COPB2: variants seen among roughly 807,000 people sequenced by gnomAD.
COPB2 encodes coat protein complex I subunit beta 2.
A neutral mutation model predicts 120.8 loss-of-function variants in COPB2; 16 were observed. The ratio of observed to expected loss-of-function variants is 0.13; its 90% CI spans 0.09 to 0.20. The LOEUF is 0.20. COPB2 is among the 10% of genes least tolerant of loss of function. The pLI is 1.00. For missense variants in COPB2, 794 were observed against 1,076.5 expected (o/e 0.74, Z 3.67); for synonymous variants, 332 against 366.3 (o/e 0.91, Z 1.07).
Position 139,369,118 on chromosome 3 carries a change from T to C in COPB2, c.1401+143A>G, listed in dbSNP as rs367923314. On this transcript the variant is annotated intron_variant, in intron 12 of 21. Transcript: ENST00000333188. ...TCAAAAGTATAAGAAGTTATTTAAA[T>C]TCTAAGTGCTGTTTTATATTTTAAA... 7.6e-5 allele frequency: 42 copies of C among 551,674 alleles called. No homozygotes were observed. In the South Asian group the frequency reaches 1.5e-3, roughly 19 times the overall value. 34.2% of individuals were successfully genotyped at this position (551,674 alleles called of 1,614,324 possible).
intron 6 of COPB2, 133 bp from the exon 7 acceptor site, chr3:139,374,721 A>G (rs997100916): frequency 1.9e-6 from 1 of 530,458 alleles, no homozygotes; most frequent in Non-Finnish European, 3.1e-6. Flanking sequence ...CAATATAGAA[A>G]TTTTTGAAAT....
chr3:139,371,915 T>C lies in COPB2; in HGVS notation c.1095-82A>G, dbSNP rs969188954. 1.9e-5 allele frequency: 18 copies of C among 953,486 alleles called. No individual in the cohort carries two copies. In the Admixed American group the frequency reaches 3.6e-4, roughly 19 times the overall value. The allele number at this position is 953,486 out of a possible 1,614,324, so 59.1% of individuals were successfully genotyped here. ...TAAGGAACAATAATTCATGTTATGG[T>C]AAAAGAATTCTAATAACAAATGTTA... On this transcript the variant is annotated intron_variant, in intron 9 of 21. Transcript: ENST00000333188.
chr3:139,378,507 A>T (rs1323568211), intron 4 of COPB2, among the ~76,000 whole-genome samples: 1 of 152,242 alleles, frequency 6.6e-6, no homozygotes, highest in Non-Finnish European at 1.5e-5. Context: ...TCTAAGCATG[A>T]CTGAATAGTG....
intron 12 of COPB2, among the ~76,000 whole-genome samples, chr3:139,368,834 A>G (rs898088346): frequency 1.3e-5 from 2 of 152,206 alleles, no homozygotes; most frequent in African/African-American, 4.8e-5. Flanking sequence ...GACAGTGAAA[A>G]CTGTCAAAGC....
intron 1 of COPB2, among the ~76,000 whole-genome samples, chr3:139,389,232 G>C (rs1219186091): frequency 1.3e-5 from 2 of 152,254 alleles, no homozygotes; most frequent in Non-Finnish European, 2.9e-5. Flanking sequence ...CTCCTACGGA[G>C]TTCAACACAT....
At chr3:139,367,557 G>C (rs1354237913) in intron 13 of COPB2, among the ~76,000 whole-genome samples, 1 of 151,844 alleles carries the variant, frequency 6.6e-6, no homozygotes, top group East Asian at 1.9e-4. Context: ...CAAAGTGCTG[G>C]GATTATAGGT....
chr3:139,373,766 C>A lies in COPB2; in HGVS notation c.794G>T (p.Ser265Ile), dbSNP rs1350975191. 6.2e-7 allele frequency: 1 copy of A among 1,614,112 alleles called. No individual in the cohort carries two copies. The highest frequency in any genetic ancestry group is 1.3e-5 in the African/African-American group (1 of 75,032). The change falls in exon 8 of 22, where the codon AGC (serine) becomes ATC (isoleucine). Residue 265 changes from serine to isoleucine, a missense_variant. Physicochemically the swap from Ser to Ile is moderately radical, Grantham distance 142. Coordinates refer to ENST00000333188, the MANE Select transcript of COPB2 (RefSeq NM_004766.3). ...CCTCTCCATTCCATAATTCAGTGTGCTCTCAAGCCGGTAGGTGCTTGAATG... is the reference window on the plus strand; with the variant it reads ...CCTCTCCATTCCATAATTCAGTGTGATCTCAAGCCGGTAGGTGCTTGAATG... ...IWHSSTYRLE[S>I]TLNYGMERVW...
intron 1 of COPB2, chr3:139,385,458 T>C (rs983675764): frequency 6.6e-6 from 1 of 152,218 alleles, no homozygotes; most frequent in Non-Finnish European, 1.5e-5. Context: ...AATATTGAGT[T>C]CTTTGGAGAA....
chr3:139,359,290 G>A lies in COPB2; in HGVS notation c.2283C>T (p.Tyr761=), dbSNP rs749927699. ...TGTACCTTGAAACCTGACTGGGTAA[G>A]TAAGTTCGGGCCAAGAAGGCAGCTT... ...LPEAAFLART[Y]LPSQVSRVVK... is the part of the protein sequence containing the mutation. The change falls in exon 18 of 22, where the codon TAC becomes TAT. Residue 761 remains tyrosine, a synonymous_variant. Coordinates refer to ENST00000333188, the MANE Select transcript of COPB2 (RefSeq NM_004766.3). 2 of 1,614,192 alleles carry A rather than the reference G, an allele frequency of 1.2e-6. No homozygotes were observed. Among genetic ancestry groups the A allele is most frequent in the Non-Finnish European group, 1.7e-6 (2 of 1,180,024 alleles).
chr3:139,378,244 C>A, intron 4 of COPB2, 55 bp from the exon 5 acceptor site: 1 of 1,467,790 alleles, frequency 6.8e-7, no homozygotes, highest in Non-Finnish European at 9.2e-7. Flanking sequence ...CACTTCATAA[C>A]TAAGACACAG....
chr3:139,372,509 T>C (rs1941639181), intron 9 of COPB2, among the ~76,000 whole-genome samples: 1 of 152,222 alleles, frequency 6.6e-6, no homozygotes, highest in Non-Finnish European at 1.5e-5. Context: ...GAAATATGCA[T>C]AATGCATTCT....
chr3:139,367,161 T>C lies in COPB2; in HGVS notation c.1546-16A>G. On this transcript the variant is annotated splice_polypyrimidine_tract_variant and intron_variant, in intron 13 of 21. Coordinates refer to ENST00000333188, the MANE Select transcript of COPB2 (RefSeq NM_004766.3). Reference sequence around the variant, plus strand: ...CACCAAGAACCTGCAGAAAGAAAAATAAAGACAATTACTTTATCCAACATC... The same window carrying C: ...CACCAAGAACCTGCAGAAAGAAAAACAAAGACAATTACTTTATCCAACATC... 6.2e-7 allele frequency: 1 copy of C among 1,609,702 alleles called. No homozygotes were observed. The highest frequency in any genetic ancestry group is 8.5e-7 in the Non-Finnish European group (1 of 1,178,862).
intron 13 of COPB2, 52 bp from the exon 14 acceptor site, chr3:139,367,197 CAAT>C: frequency 6.3e-7 from 1 of 1,587,820 alleles, no homozygotes; most frequent in Non-Finnish European, 8.6e-7. Context: ...AGAAATCTCT[CAAT>C]AAAAAGCTGA....
chr3:139,372,704 T>C (rs2107803824), intron 9 of COPB2, among the ~76,000 whole-genome samples: 2 of 152,318 alleles, frequency 1.3e-5, no homozygotes, highest in African/African-American at 4.8e-5. Context: ...GAAACTCCTC[T>C]CTCACAAGAT....
At position 139,375,549 on chromosome 3, in the gene COPB2, G is replaced by A. The variant is rs1941697643; in HGVS notation, c.570C>T (p.Cys190=). The A allele has an allele frequency of 6.2e-7, 1 of 1,614,126 alleles. No individual in the cohort carries two copies. The highest frequency in any genetic ancestry group is 1.1e-5 in the South Asian group (1 of 91,074). ...TGTCCCCACCACTGTAGTAATCAAT[G>A]CAATTCACGCCTTTCTCATGTCCTT... The part of the protein sequence containing the change: ...TLEGHEKGVN[C]IDYYSGGDKP... The change falls in exon 6 of 22, where the codon TGC becomes TGT. Residue 190 remains cysteine, a synonymous_variant. Transcript: ENST00000333188.
At chr3:139,389,517 C>A in intron 1 of COPB2, 31 bp downstream of exon 1, 1 of 1,555,422 alleles carries the variant, frequency 6.4e-7, no homozygotes, top group Non-Finnish European at 8.8e-7. Flanking sequence ...ACCTATGGGA[C>A]CCCGCTCCCT....
intron 6 of COPB2, 26 bp downstream of exon 6, chr3:139,375,442 G>C (rs1560018552): frequency 6.3e-7 from 1 of 1,598,330 alleles, no homozygotes; most frequent in Admixed American, 1.7e-5. Context: ...TCTAACATAT[G>C]GAAGTAAGGT....
At chr3:139,380,318 T>C (rs1430932079) in intron 2 of COPB2, 1 of 152,182 alleles carries the variant, frequency 6.6e-6, no homozygotes, top group Non-Finnish European at 1.5e-5. Flanking sequence ...GTCAGTCTTT[T>C]TGAAATTGAA....
chr3:139,377,959 T>C, intron 5 of COPB2, 82 bp downstream of exon 5: 1 of 1,315,292 alleles, frequency 7.6e-7, no homozygotes, highest in Non-Finnish European at 1.0e-6. Flanking sequence ...ATGGGTACAT[T>C]TCTGACCAGT....
Sources: gnomAD v4.1 joint callset for allele counts (sites outside exome capture counted in the v4.1 genomes callset) on GRCh38, gnomAD v4.1.1 for gene constraint, MANE v1.5 for transcripts, NCBI Gene and HGNC (gene_info 2026-07-23, HGNC 2026-07-21) for gene names.